Variants in THSD4 observed in about 807,000 individuals in gnomAD.
THSD4 encodes the protein thrombospondin type-1 domain-containing protein 4.
A neutral mutation model predicts 119.0 loss-of-function variants in THSD4; 69 were observed. The ratio of observed to expected loss-of-function variants is 0.58; its 90% CI spans 0.48 to 0.71. The LOEUF is 0.71. Ranked by LOEUF, THSD4 falls within the 30% of genes least tolerant of loss-of-function variation. THSD4 has a pLI of 0.00. For synonymous variants in THSD4, 524 were observed against 540.4 expected (o/e 0.97, Z 0.42); for missense variants, 1,393 against 1,391.1 (o/e 1.00, Z -0.02).
chr15:71,319,227 A>T (rs1182428115), intron 6 of THSD4, among the ~76,000 whole-genome samples: 1 of 152,202 alleles, frequency 6.6e-6, no homozygotes, highest in African/African-American at 2.4e-5. Context: ...CAATGTTGAC[A>T]TCAAGGATTC....
chr15:71,364,766 C>T lies in THSD4; in HGVS notation c.1016-46921C>T, dbSNP rs138016560. Among the ~76,000 whole-genome samples the T allele has an allele frequency of 2.0e-3, 298 of 152,264 alleles. 1 individual carries two copies. Among genetic ancestry groups the T allele is most frequent in the African/African-American group, 6.7e-3 (280 of 41,556 alleles). ...TGTTTTCTTTTTAGCCTTTGCATAG[C>T]GCTGAGCTTTAAAGCGTGTCTTGGT... On this transcript the variant is annotated intron_variant, in intron 6 of 17. Transcript: ENST00000261862.
intron 1 of THSD4, among the ~76,000 whole-genome samples, chr15:71,130,948 G>A (rs1596213971): frequency 6.6e-6 from 1 of 151,974 alleles, no homozygotes; most frequent in Non-Finnish European, 1.5e-5. Context: ...GTTTCACCGT[G>A]TTAGCCAGGA....
intron 6 of THSD4, among the ~76,000 whole-genome samples, chr15:71,403,632 C>G (rs2140488866): frequency 6.6e-6 from 1 of 152,282 alleles, no homozygotes; most frequent in East Asian, 1.9e-4. Flanking sequence ...ATTTCTCAGG[C>G]TTGTATTTGC....
At chr15:71,321,413 G>C (rs368830070) in intron 6 of THSD4, among the ~76,000 whole-genome samples, 111 of 152,266 alleles carry the variant, frequency 7.3e-4, no homozygotes, top group Middle Eastern at 3.4e-3. Context: ...GCAGGCGCCT[G>C]TAATTTCAGC....
intron 6 of THSD4, among the ~76,000 whole-genome samples, chr15:71,364,288 A>G (rs147859815): frequency 3.9e-4 from 60 of 152,306 alleles, no homozygotes; most frequent in African/African-American, 1.4e-3. Context: ...AGTCTGGACA[A>G]GTTTGCTCAT....
intron 7 of THSD4, among the ~76,000 whole-genome samples, chr15:71,628,005 G>A (rs180887843): frequency 7.7e-4 from 117 of 152,318 alleles, no homozygotes; most frequent in African/African-American, 2.5e-3. Flanking sequence ...CTTACCCTTA[G>A]GTAAGTGGCA....
chr15:71,429,694 G>C (rs1369313922), intron 7 of THSD4, among the ~76,000 whole-genome samples: 2 of 152,182 alleles, frequency 1.3e-5, no homozygotes, highest in Admixed American at 1.3e-4. Context: ...ATTCGTTTCT[G>C]AGCTCAGAGT....
intron 6 of THSD4, among the ~76,000 whole-genome samples, chr15:71,257,643 T>C (rs1310808346): frequency 6.6e-6 from 1 of 152,172 alleles, no homozygotes; most frequent in African/African-American, 2.4e-5. Flanking sequence ...GCAGAATCAA[T>C]GCCTGGGGAA....
At chr15:71,112,287 C>T, upstream of THSD4, 1 of 1,504,886 alleles carries the variant, frequency 6.6e-7, no homozygotes, top group South Asian at 1.3e-5. Context: ...CATCATTTAT[C>T]AACTTAACTA....
chr15:71,316,901 T>C (rs113468723), intron 6 of THSD4, among the ~76,000 whole-genome samples: 1,937 of 152,340 alleles, frequency 0.013, 47 homozygotes, highest in African/African-American at 0.043. Context: ...AATAAACCAT[T>C]GTCAATGCTG....
intron 6 of THSD4, among the ~76,000 whole-genome samples, chr15:71,377,888 A>C (rs111294043): frequency 4.0e-5 from 3 of 75,700 alleles, no homozygotes; most frequent in Admixed American, 1.3e-4. Flanking sequence ...ACACACACAC[A>C]CACACACACA....
At chr15:71,375,245 G>A (rs1481398686) in intron 6 of THSD4, among the ~76,000 whole-genome samples, 1 of 152,210 alleles carries the variant, frequency 6.6e-6, no homozygotes, top group Non-Finnish European at 1.5e-5. Context: ...GTATGTGCAT[G>A]TGGACACATA....
intron 6 of THSD4, among the ~76,000 whole-genome samples, chr15:71,263,874 C>A (rs917284498): frequency 1.3e-5 from 2 of 152,244 alleles, no homozygotes; most frequent in Non-Finnish European, 2.9e-5. Flanking sequence ...AGGCAGGAAG[C>A]TCCAGTGAAA....
At chr15:71,364,468 G>A (rs2045930654) in intron 6 of THSD4, among the ~76,000 whole-genome samples, 1 of 152,202 alleles carries the variant, frequency 6.6e-6, no homozygotes, top group Non-Finnish European at 1.5e-5. Context: ...CCTTGAGCAA[G>A]TTACTTCAGC....
chr15:71,405,962 T>C (rs560901494), intron 6 of THSD4, among the ~76,000 whole-genome samples: 2 of 152,194 alleles, frequency 1.3e-5, no homozygotes, highest in Non-Finnish European at 2.9e-5. Flanking sequence ...TAAATAGAAA[T>C]ACAATTAAGA....
chr15:71,172,694 T>TGTG (rs1274346970), intron 3 of THSD4, among the ~76,000 whole-genome samples: 1 of 84,698 alleles, frequency 1.2e-5, no homozygotes, highest in African/African-American at 6.6e-5. Context: ...TATATATATA[T>TGTG]ATATATATAT....
intron 7 of THSD4, 87 bp downstream of exon 7, chr15:71,411,910 C>T: frequency 6.4e-7 from 1 of 1,555,098 alleles, no homozygotes. Flanking sequence ...GACTAGGCTG[C>T]TAGCTCCCCC....
At chr15:71,335,691 G>A (rs1596345323) in intron 6 of THSD4, among the ~76,000 whole-genome samples, 1 of 152,124 alleles carries the variant, frequency 6.6e-6, no homozygotes, top group African/African-American at 2.4e-5. Context: ...GCTTATTTCC[G>A]AAGATGATGC....
At chr15:71,431,854 G>T (rs926724668) in intron 7 of THSD4, among the ~76,000 whole-genome samples, 3 of 152,070 alleles carry the variant, frequency 2.0e-5, no homozygotes, top group Admixed American at 6.6e-5. Context: ...TAACATCAAG[G>T]TTGCTTTGAT....
Sources: gnomAD v4.1 joint callset for allele counts (sites outside exome capture counted in the v4.1 genomes callset) on GRCh38, gnomAD v4.1.1 for gene constraint, MANE v1.5 for transcripts, NCBI Gene and HGNC (gene_info 2026-07-23, HGNC 2026-07-21) for gene names.